The following MYO3B variants were observed in gnomAD, a reference collection of about 807,000 sequenced individuals.
MYO3B encodes the protein myosin IIIB.
Under a neutral mutation model 174.6 loss-of-function variants are expected in MYO3B, and 156 were observed. The ratio of observed to expected loss-of-function variants is 0.89; its 90% CI spans 0.78 to 1.02. The LOEUF (loss-of-function observed/expected upper bound fraction) is 1.02, where lower values mean the gene tolerates loss of function less well. Ranked by LOEUF, MYO3B falls within the 50% of genes least tolerant of loss-of-function variation. MYO3B has a pLI of 0.00. For synonymous variants in MYO3B, 563 were observed against 569.1 expected (o/e 0.99, Z 0.15); for missense variants, 1,632 against 1,639.4 (o/e 1.00, Z 0.08).
At chr2:170,182,126 G>T (rs1263065384) in intron 1 of MYO3B, among the ~76,000 whole-genome samples, 2 of 151,408 alleles carry the variant, frequency 1.3e-5, no homozygotes, top group Non-Finnish European at 2.9e-5. Flanking sequence ...CAATTCTTTT[G>T]GTTGTAGAGA....
rs138418034 is a variant in MYO3B at position 170,470,008 on chromosome 2, A to C, written c.3014+3297A>C. The stretch of plus-strand genomic sequence containing the variant: ...TCCCAGCTACTGAGCAGGCTGAGGC[A>C]GGAGAATCACTTGAAACTGGGAGGT... On this transcript the variant is annotated intron_variant, in intron 25 of 34. Transcript: ENST00000408978. Among the ~76,000 whole-genome samples the C allele has an allele frequency of 6.1e-3, 893 of 146,418 alleles. 6 individuals carry two copies. Among genetic ancestry groups the C allele is most frequent in the African/African-American group, 0.021 (848 of 39,860 alleles).
At chr2:170,649,013 A>G (rs1698659642) in intron 32 of MYO3B, among the ~76,000 whole-genome samples, 4 of 86,102 alleles carry the variant, frequency 4.6e-5, no homozygotes, top group South Asian at 8.2e-4. Flanking sequence ...AATAATATAT[A>G]ATGTATAATA....
intron 32 of MYO3B, among the ~76,000 whole-genome samples, chr2:170,644,960 G>C (rs1041530463): frequency 6.6e-6 from 1 of 152,144 alleles, no homozygotes; most frequent in Non-Finnish European, 1.5e-5. Flanking sequence ...GGGGTTGGGG[G>C]GAGGTGCAAA....
At chr2:170,617,901 T>C (rs767811551) in intron 32 of MYO3B, among the ~76,000 whole-genome samples, 25 of 152,190 alleles carry the variant, frequency 1.6e-4, no homozygotes, top group African/African-American at 2.7e-4. Context: ...TTTGTCAGCA[T>C]TTGAAGACAA....
rs1194868648 is a variant in MYO3B at position 170,635,488 on chromosome 2, T to C, written c.3734-16140T>C. Among the ~76,000 whole-genome samples, 3 of 152,046 alleles carry C rather than the reference T, an allele frequency of 2.0e-5. No homozygotes were observed. In the East Asian group the frequency reaches 5.8e-4, roughly 29 times the overall value. On this transcript the variant is annotated intron_variant, in intron 32 of 34. Coordinates refer to ENST00000408978, the MANE Select transcript of MYO3B (RefSeq NM_138995.5). ...TGGGGTGGGGGGAGCGGGGGAGGGA[T>C]AGCATTAGGAGATATACCTAATGTA...
chr2:170,496,936 A>G (rs146305258), intron 25 of MYO3B, among the ~76,000 whole-genome samples: 9 of 152,246 alleles, frequency 5.9e-5, no homozygotes, highest in African/African-American at 2.2e-4. Flanking sequence ...TGCCTCAACA[A>G]GTTATATTTT....
rs369736274 is a variant in MYO3B at position 170,345,932 on chromosome 2, C to A, written c.815+10482C>A. On this transcript the variant is annotated intron_variant, in intron 8 of 34. Transcript: ENST00000408978. Reference sequence around the variant, plus strand: ...ACCTGGAACAGATCCTTCCCTAGTACTTCCAGAGGGAGAATAGCCCTGCCG... The same window carrying A: ...ACCTGGAACAGATCCTTCCCTAGTAATTCCAGAGGGAGAATAGCCCTGCCG... 3.3e-4 allele frequency among the ~76,000 whole-genome samples: 50 copies of A among 152,076 alleles called. 1 individual carries two copies. The East Asian group carries it at 3.5e-3, about 11-fold the overall frequency.
intron 8 of MYO3B, chr2:170,345,043 C>T (rs2094006253): frequency 1.3e-5 from 2 of 152,218 alleles, no homozygotes; most frequent in South Asian, 4.1e-4. Flanking sequence ...TGGTTCAGTG[C>T]AAAGCTCCCA....
chr2:170,530,607 C>G (rs1382386156), intron 30 of MYO3B, among the ~76,000 whole-genome samples: 1 of 152,156 alleles, frequency 6.6e-6, no homozygotes, highest in South Asian at 2.1e-4. Flanking sequence ...GTTGAGGCAT[C>G]GTCTTTGCTT....
At chr2:170,598,882 G>A (rs1333352891) in intron 32 of MYO3B, among the ~76,000 whole-genome samples, 3 of 152,144 alleles carry the variant, frequency 2.0e-5, no homozygotes. Context: ...CTAGTACCTC[G>A]TAAGCTATAA....
At chr2:170,480,630 C>A (rs922429155) in intron 25 of MYO3B, among the ~76,000 whole-genome samples, 2 of 152,142 alleles carry the variant, frequency 1.3e-5, no homozygotes, top group Non-Finnish European at 2.9e-5. Context: ...ACTGGCATTG[C>A]GGGGTGGGGA....
intron 8 of MYO3B, among the ~76,000 whole-genome samples, chr2:170,342,599 G>A (rs949942368): frequency 5.3e-5 from 8 of 152,106 alleles, no homozygotes; most frequent in Admixed American, 2.6e-4. Context: ...GAGTAGTATC[G>A]CTGTGAGGAT....
intron 32 of MYO3B, among the ~76,000 whole-genome samples, chr2:170,576,580 A>C (rs1357791795): frequency 6.6e-6 from 1 of 152,250 alleles, no homozygotes; most frequent in Non-Finnish European, 1.5e-5. Flanking sequence ...CGTCACACAG[A>C]GCATGAGGCT....
chr2:170,570,615 G>T (rs904207282), intron 32 of MYO3B, among the ~76,000 whole-genome samples: 2 of 152,148 alleles, frequency 1.3e-5, no homozygotes, highest in African/African-American at 4.8e-5. Flanking sequence ...ACTCAGTGTT[G>T]TAAGACACGT....
At chr2:170,306,209 T>C (rs1240735320) in intron 7 of MYO3B, among the ~76,000 whole-genome samples, 1 of 152,128 alleles carries the variant, frequency 6.6e-6, no homozygotes, top group Non-Finnish European at 1.5e-5. Context: ...TTCAAAGACA[T>C]AGGAAGTGGA....
intron 1 of MYO3B, among the ~76,000 whole-genome samples, chr2:170,194,507 GAAAA>G (rs769742217): frequency 7.3e-6 from 1 of 136,244 alleles, no homozygotes; most frequent in Non-Finnish European, 1.6e-5. Context: ...CCTGTCTCAA[GAAAA>G]AAAAAAAAAG....
At chr2:170,328,686 C>G (rs2093887439) in intron 7 of MYO3B, among the ~76,000 whole-genome samples, 1 of 152,070 alleles carries the variant, frequency 6.6e-6, no homozygotes, top group Non-Finnish European at 1.5e-5. Context: ...CCTAAATGTT[C>G]ACCAATACAT....
rs529184645 is a variant in MYO3B, at chr2:170,654,574, G to A, written c.*1453G>A. 1 of 150,842 alleles carries A rather than the reference G, an allele frequency of 6.6e-6. No homozygotes were observed. Among genetic ancestry groups the A allele is most frequent in the South Asian group, 2.1e-4 (1 of 4,760 alleles). 9.3% of individuals were successfully genotyped at this position (150,842 alleles called of 1,614,324 possible). A position where few individuals can be genotyped will look rare whatever the true frequency, so the allele number is the denominator to read the frequency against. On this transcript the variant is annotated 3_prime_UTR_variant, in exon 35 of 35. Coordinates refer to ENST00000408978, the MANE Select transcript of MYO3B (RefSeq NM_138995.5). Reference sequence around the variant, plus strand: ...GACGCAGGAGAATCACTTGAACCCGGGAAGCAAAGGTTGCAGTCAGCTGAG... The same window carrying A: ...GACGCAGGAGAATCACTTGAACCCGAGAAGCAAAGGTTGCAGTCAGCTGAG...
At chr2:170,353,222 C>G (rs2094090690) in intron 8 of MYO3B, among the ~76,000 whole-genome samples, 1 of 152,166 alleles carries the variant, frequency 6.6e-6, no homozygotes, top group African/African-American at 2.4e-5. Flanking sequence ...ACATTATTCA[C>G]TGCTAAAAAG....
Sources: allele counts gnomAD v4.1 joint callset (sites outside exome capture counted in the v4.1 genomes callset), GRCh38; gene constraint gnomAD v4.1.1; transcripts MANE v1.5; gene names NCBI Gene and HGNC (gene_info 2026-07-23, HGNC 2026-07-21).